Variants in SS18L1 observed in about 807,000 individuals in gnomAD.
SS18L1 encodes SS18L1 subunit of BAF chromatin remodeling complex.
Under a neutral mutation model 70.3 loss-of-function variants are expected in SS18L1, and 32 were observed. That is an observed-to-expected ratio of 0.46 (90% confidence interval 0.34 to 0.61). SS18L1 has a LOEUF of 0.61. Among genes scored for constraint, SS18L1 ranks in the 20% least tolerant of loss-of-function variants. The probability of loss-of-function intolerance (pLI) is 0.01; values close to 1 mark genes in which losing one functional copy is unlikely to be tolerated. For missense variants in SS18L1, 430 were observed against 542.1 expected (o/e 0.79, Z 2.05); for synonymous variants, 237 against 229.7 (o/e 1.03, Z -0.29).
chr20:62,175,254 GA>G (rs1235414323), intron 10 of SS18L1: 30 of 985,072 alleles, frequency 3.0e-5, no homozygotes, highest in Non-Finnish European at 3.4e-5. Context: ...TTGGAAGATG[GA>G]AGAGCGGGAG....
chr20:62,152,429 C>G (rs375689770), intron 1 of SS18L1, among the ~76,000 whole-genome samples: 1 of 152,216 alleles, frequency 6.6e-6, no homozygotes, highest in Non-Finnish European at 1.5e-5. Flanking sequence ...GCCCTCACCT[C>G]GGGAGGCCTC....
At chr20:62,156,825 C>T (rs940557123) in intron 1 of SS18L1, among the ~76,000 whole-genome samples, 1 of 152,250 alleles carries the variant, frequency 6.6e-6, no homozygotes, top group Non-Finnish European at 1.5e-5. Context: ...GCTCCAGGGC[C>T]TGTAGAGCTC....
rs929150545 is a variant in SS18L1, at chr20:62,148,368, G to T, written c.69+4479G>T. Among the ~76,000 whole-genome samples, 3 of 150,358 alleles carry T rather than the reference G, an allele frequency of 2.0e-5. No homozygotes were observed. The East Asian group carries it at 6.0e-4, about 30-fold the overall frequency. ...CTCTTCGGTCAGGTGAGGGAGGCTCGGCCTCCTTGCTGTCTTAGGTCAGGT... is the reference window on the plus strand; with the variant it reads ...CTCTTCGGTCAGGTGAGGGAGGCTCTGCCTCCTTGCTGTCTTAGGTCAGGT... On this transcript the variant is annotated intron_variant, in intron 1 of 10. Coordinates refer to ENST00000331758, the MANE Select transcript of SS18L1 (RefSeq NM_198935.3).
rs751047868 is a variant in SS18L1, at chr20:62,162,910, A to G, written c.535A>G (p.Ile179Val). The G allele has an allele frequency of 1.2e-6, 2 of 1,612,720 alleles. No individual in the cohort carries two copies. The highest frequency in any genetic ancestry group is 1.7e-5 in the Admixed American group (1 of 59,992). The change falls in exon 5 of 11, where the codon ATC (isoleucine) becomes GTC (valine). Residue 179 changes from isoleucine (I) to valine (V), a missense_variant. Physicochemically the swap from Ile to Val is conservative, Grantham distance 29. Transcript: ENST00000331758. ...TIGNYVSRTNINMQSNPVSMM... is the reference protein window; with the variant it reads ...TIGNYVSRTNVNMQSNPVSMM... The stretch of plus-strand genomic sequence containing the variant: ...CGGCAACTACGTGTCTCGGACCAAC[A>G]TCAACATGCAGTCCAACCCAGGTAC...
At chr20:62,178,525 G>A (rs1034301009) in intron 10 of SS18L1, among the ~76,000 whole-genome samples, 1 of 151,778 alleles carries the variant, frequency 6.6e-6, no homozygotes, top group Non-Finnish European at 1.5e-5. Flanking sequence ...CAAACTCCTG[G>A]GCTCAAGCAG....
intron 1 of SS18L1, among the ~76,000 whole-genome samples, chr20:62,147,787 G>T (rs1286450212): frequency 6.6e-6 from 1 of 152,060 alleles, no homozygotes; most frequent in South Asian, 2.1e-4. Flanking sequence ...CCCAGGGTCC[G>T]AGAGCCAGGG....
intron 8 of SS18L1, among the ~76,000 whole-genome samples, chr20:62,170,605 C>A (rs1164824819): frequency 5.3e-5 from 8 of 152,236 alleles, no homozygotes; most frequent in African/African-American, 1.9e-4. Flanking sequence ...GGCCTGGGCT[C>A]CCCCGAGCCC....
chr20:62,164,091 C>T (rs2057382515), intron 6 of SS18L1, 54 bp from the exon 7 acceptor site: 1 of 1,506,460 alleles, frequency 6.6e-7, no homozygotes, highest in Admixed American at 2.0e-5. Flanking sequence ...CGAGCAGGTC[C>T]TCTGAGGGAG....
chr20:62,148,682 C>T (rs540940665), intron 1 of SS18L1, among the ~76,000 whole-genome samples: 2 of 152,252 alleles, frequency 1.3e-5, no homozygotes, highest in South Asian at 2.1e-4. Context: ...CCAAGCGCCA[C>T]GGGGGAGGTG....
chr20:62,146,605 A>ATTTTTTTTTTTTTTTTTTTTTTT lies in SS18L1; in HGVS notation c.69+2737_69+2738insTTTTTTTTTTTTTTTTTTTTTTT. Among the ~76,000 whole-genome samples, 45 of 79,722 alleles carry ATTTTTTTTTTTTTTTTTTTTTTT rather than the reference A, an allele frequency of 5.6e-4. 9 individuals carry two copies. The highest frequency in any genetic ancestry group is 6.0e-4 in the Non-Finnish European group (27 of 45,234). The allele number at this position is 79,722 out of a possible 152,430, so 52.3% of individuals were successfully genotyped here. ...CATCCAGCGTGTCTCTGCTTTGATC[A>ATTTTTTTTTTTTTTTTTTTTTTT]TTTTTTTTTTTTTTTTTTTTTGAGA... On this transcript the variant is annotated intron_variant, in intron 1 of 10. Transcript: ENST00000331758.
intron 5 of SS18L1, 32 bp from the exon 6 acceptor site, chr20:62,163,426 G>A (rs776562969): frequency 6.2e-7 from 1 of 1,610,700 alleles, no homozygotes; most frequent in Middle Eastern, 1.9e-4. Flanking sequence ...AGGCTTCCCG[G>A]GGTGATGTGG....
Position 62,143,893 on chromosome 20 carries a change from G to T in SS18L1, c.69+4G>T. ...TACGCAGCAAACCATCCAGAAGGTGGGCCGGGCCGGAGCGGCGGCGCTGGG... is the reference window on the plus strand; with the variant it reads ...TACGCAGCAAACCATCCAGAAGGTGTGCCGGGCCGGAGCGGCGGCGCTGGG... On this transcript the variant is annotated splice_donor_region_variant and intron_variant, in intron 1 of 10. Coordinates refer to ENST00000331758, the MANE Select transcript of SS18L1 (RefSeq NM_198935.3). 8.5e-7 allele frequency: 1 copy of T among 1,176,906 alleles called. No homozygotes were observed. The allele number at this position is 1,176,906 out of a possible 1,614,324, so 72.9% of individuals were successfully genotyped here.
intron 1 of SS18L1, among the ~76,000 whole-genome samples, chr20:62,150,821 G>C (rs1284306064): frequency 1.3e-5 from 2 of 151,636 alleles, no homozygotes; most frequent in Non-Finnish European, 2.9e-5. Flanking sequence ...AAAGGGAGCT[G>C]TGTGGAGCAG....
At chr20:62,175,167 C>T (rs1236531570) in intron 10 of SS18L1, 1 of 927,728 alleles carries the variant, frequency 1.1e-6, no homozygotes, top group Non-Finnish European at 1.3e-6. Context: ...CAGCCCCAGG[C>T]TCAGCCTAGG....
rs773714322 is a variant in SS18L1, at chr20:62,161,526, G to A, written c.322G>A (p.Ala108Thr). The A allele has an allele frequency of 3.1e-6, 5 of 1,612,678 alleles. No homozygotes were observed. The highest frequency in any genetic ancestry group is 4.2e-6 in the Non-Finnish European group (5 of 1,179,906). The change falls in exon 4 of 11, where the codon GCC becomes ACC. Residue 108 changes from alanine (A) to threonine (T), a missense_variant. Transcript: ENST00000331758. This position sits in a 1 kb window ranked among gnomAD's most constrained non-coding sequence, Gnocchi z 4.4. Reference protein sequence around the residue: ...GLHSQGSLSDAISTGLPPSSL... With the variant: ...GLHSQGSLSDTISTGLPPSSL... ...GCACTCTCAGGGCAGCCTGAGTGAC[G>A]CCATCAGCACGGGCCTGCCACCCTC... is the stretch of plus-strand genomic sequence containing the variant.
chr20:62,163,701 T>TCGGGGAGCCTGGGGGAGTGAGG lies in SS18L1; in HGVS notation c.721+103_721+124dup, dbSNP rs57565379. The TCGGGGAGCCTGGGGGAGTGAGG allele has an allele frequency of 1.3e-3, 1,822 of 1,445,066 alleles. 6 individuals carry two copies. The highest frequency in any genetic ancestry group is 3.6e-3 in the African/African-American group (252 of 70,446). The allele number at this position is 1,445,066 out of a possible 1,614,324, so 89.5% of individuals were successfully genotyped here. A position where few individuals can be genotyped will look rare whatever the true frequency, so the allele number is the denominator to read the frequency against. ...AGTGCCAGGCTGTGTGTGCTTCTCT[T>TCGGGGAGCCTGGGGGAGTGAGG]CGGGGAGCCTGGGGGAGTGAGGCGG... On this transcript the variant is annotated intron_variant, in intron 6 of 10. Coordinates refer to ENST00000331758, the MANE Select transcript of SS18L1 (RefSeq NM_198935.3).
At chr20:62,169,038 A>G (rs2057482906) in intron 8 of SS18L1, among the ~76,000 whole-genome samples, 1 of 152,064 alleles carries the variant, frequency 6.6e-6, no homozygotes, top group Non-Finnish European at 1.5e-5. Flanking sequence ...TGTGCTGGGC[A>G]GGAGCATCGG....
At chr20:62,144,922 C>T (rs1362878535) in intron 1 of SS18L1, among the ~76,000 whole-genome samples, 2 of 152,242 alleles carry the variant, frequency 1.3e-5, no homozygotes, top group East Asian at 3.8e-4. Context: ...AGCCGCTTGT[C>T]TCCCTAAGGG....
rs111495483 is a variant in SS18L1 at position 62,164,263 on chromosome 20, G to T, written c.823+17G>T. On this transcript the variant is annotated intron_variant, in intron 7 of 10. Coordinates refer to ENST00000331758, the MANE Select transcript of SS18L1 (RefSeq NM_198935.3). ...ACCCCGACGGTGAGCACTGGCGGCG[G>T]CCTGACCCCGCCCAGGAACGCAGAG... The T allele has an allele frequency of 2.9e-5, 45 of 1,541,960 alleles. No individual in the cohort carries two copies. The highest frequency in any genetic ancestry group is 2.9e-4 in the African/African-American group (21 of 72,992).
Sources: allele counts gnomAD v4.1 joint callset (sites outside exome capture counted in the v4.1 genomes callset), GRCh38; gene constraint gnomAD v4.1.1; non-coding constraint Gnocchi (gnomAD v3.1); transcripts MANE v1.5; gene names NCBI Gene and HGNC (gene_info 2026-07-23, HGNC 2026-07-21).